The following STPG1 variants were observed in gnomAD, a reference collection of about 807,000 sequenced individuals.
STPG1 encodes the protein O(6)-methylguanine-induced apoptosis 2.
A neutral mutation model predicts 40.1 loss-of-function variants in STPG1; 33 were observed. The observed-to-expected ratio is 0.82, with a 90% confidence interval of 0.62 to 1.10. STPG1 has a LOEUF of 1.10. Among genes scored for constraint, STPG1 ranks in the 50% least tolerant of loss-of-function variants. The pLI, the probability that STPG1 is intolerant of heterozygous loss-of-function variation, is 0.00. For synonymous variants in STPG1, 150 were observed against 155.0 expected, an observed-to-expected ratio of 0.97 and a Z score of 0.24; for missense variants, 396 against 415.1, an observed-to-expected ratio of 0.95 and a Z score of 0.40.
intron 2 of STPG1, among the ~76,000 whole-genome samples, chr1:24,395,028 A>G (rs1642935732): frequency 6.6e-6 from 1 of 152,174 alleles, no homozygotes. Flanking sequence ...TAGGCCAACC[A>G]TAATCAAATT....
chr1:24,388,128 C>T (rs1420798141), intron 3 of STPG1, among the ~76,000 whole-genome samples: 1 of 152,106 alleles, frequency 6.6e-6, no homozygotes, highest in Non-Finnish European at 1.5e-5. Flanking sequence ...AGGTGTAGAA[C>T]CATGAAATAC....
intron 1 of STPG1, 79 bp from the exon 2 acceptor site, chr1:24,401,535 A>T (rs534970374): frequency 1.1e-4 from 78 of 691,962 alleles, no homozygotes; most frequent in Admixed American, 7.8e-4. Context: ...TTCTATCTAC[A>T]GGGTAAACTG....
At chr1:24,395,909 G>C (rs981735658) in intron 2 of STPG1, among the ~76,000 whole-genome samples, 1 of 151,792 alleles carries the variant, frequency 6.6e-6, no homozygotes, top group Non-Finnish European at 1.5e-5. Context: ...CTTGAACCCA[G>C]GAGGTGTAGG....
At chr1:24,388,016 T>C (rs1019859025) in intron 3 of STPG1, among the ~76,000 whole-genome samples, 1 of 152,238 alleles carries the variant, frequency 6.6e-6, no homozygotes, top group Non-Finnish European at 1.5e-5. Context: ...AGGGTAGATT[T>C]ACTATGTAAT....
intron 4 of STPG1, among the ~76,000 whole-genome samples, chr1:24,380,463 A>G (rs1409166752): frequency 6.6e-6 from 1 of 152,232 alleles, no homozygotes; most frequent in Non-Finnish European, 1.5e-5. Context: ...AGTCACAGAA[A>G]CTCAGTGATA....
chr1:24,376,926 G>A (rs763197216), intron 5 of STPG1, among the ~76,000 whole-genome samples: 1 of 152,070 alleles, frequency 6.6e-6, no homozygotes, highest in Non-Finnish European at 1.5e-5. Flanking sequence ...CCACACTGCA[G>A]TCCATTCACC....
At chr1:24,366,110 A>T (rs1641442954) in intron 7 of STPG1, among the ~76,000 whole-genome samples, 1 of 152,208 alleles carries the variant, frequency 6.6e-6, no homozygotes, top group Admixed American at 6.5e-5. Flanking sequence ...CCAGAAAAGC[A>T]TTTCTGTAGC....
chr1:24,376,451 A>G (rs1642031104), intron 5 of STPG1, among the ~76,000 whole-genome samples: 2 of 152,242 alleles, frequency 1.3e-5, no homozygotes, highest in African/African-American at 4.8e-5. Flanking sequence ...TCAGGGTCAT[A>G]TTAAGACAAT....
intron 1 of STPG1, among the ~76,000 whole-genome samples, chr1:24,406,307 A>G (rs1243543963): frequency 6.6e-6 from 1 of 152,180 alleles, no homozygotes; most frequent in Non-Finnish European, 1.5e-5. Flanking sequence ...GAATTTTACA[A>G]AAATACACTT....
intron 1 of STPG1, among the ~76,000 whole-genome samples, chr1:24,406,662 T>C (rs1284843811): frequency 3.3e-5 from 5 of 152,154 alleles, no homozygotes; most frequent in Non-Finnish European, 1.5e-5. Flanking sequence ...ATAGGTTTTT[T>C]TCTCTTCCTA....
intron 7 of STPG1, among the ~76,000 whole-genome samples, chr1:24,365,965 C>G (rs922581115): frequency 6.6e-6 from 1 of 152,146 alleles, no homozygotes; most frequent in Non-Finnish European, 1.5e-5. Context: ...TAATGGTGGC[C>G]TCCTGAGCTT....
chr1:24,392,363 T>C (rs571238072), intron 2 of STPG1, among the ~76,000 whole-genome samples: 1 of 152,300 alleles, frequency 6.6e-6, no homozygotes, highest in South Asian at 2.1e-4. Context: ...GCAGGTTGAT[T>C]ATAGACTCTA....
At chr1:24,378,142 A>C (rs1642115163) in intron 5 of STPG1, among the ~76,000 whole-genome samples, 1 of 152,186 alleles carries the variant, frequency 6.6e-6, no homozygotes, top group South Asian at 2.1e-4. Flanking sequence ...GCTGGCCCAA[A>C]TTAAAATGTG....
At chr1:24,413,384 G>C (rs1250246472) in intron 1 of STPG1, among the ~76,000 whole-genome samples, 1 of 152,262 alleles carries the variant, frequency 6.6e-6, no homozygotes, top group Non-Finnish European at 1.5e-5. Context: ...CGCGGAGCCT[G>C]AGCCAGAAGG....
At chr1:24,391,506 C>G in intron 3 of STPG1, 55 bp downstream of exon 3, 1 of 1,159,868 alleles carries the variant, frequency 8.6e-7, no homozygotes, top group Non-Finnish European at 1.3e-6. Context: ...CGTGCCTGTC[C>G]CGCAAGGCTA....
chr1:24,387,401 C>A (rs1361593979), intron 3 of STPG1, among the ~76,000 whole-genome samples: 3 of 152,092 alleles, frequency 2.0e-5, no homozygotes, highest in African/African-American at 7.2e-5. Context: ...ATGACCACTG[C>A]CCAAGGAGCT....
intron 1 of STPG1, among the ~76,000 whole-genome samples, chr1:24,403,795 A>C (rs969446438): frequency 6.6e-6 from 1 of 152,072 alleles, no homozygotes; most frequent in Non-Finnish European, 1.5e-5. Context: ...ATATATATTA[A>C]TGCTGTATCC....
chr1:24,374,140 C>T (rs1641890098), intron 5 of STPG1, among the ~76,000 whole-genome samples: 1 of 151,896 alleles, frequency 6.6e-6, no homozygotes, highest in African/African-American at 2.4e-5. Context: ...CTCTCTGAAA[C>T]CCAGTTTTCT....
chr1:24,379,816 C>A lies in STPG1; in HGVS notation c.299G>T (p.Arg100Leu). Residue 100 changes from arginine (R) to leucine (L), a missense_variant, in exon 5 of 9, where the codon CGA (arginine) becomes CTA (leucine). Coordinates refer to ENST00000337248, the MANE Select transcript of STPG1 (RefSeq NM_001199013.2). ...GTATTTAGAAATGATGGTGTCCAAT[C>A]GGGCGCACTGTAAGGAGACAACCAA... is the stretch of plus-strand genomic sequence containing the variant. ...GTCMFPSMCA[R>L]LDTIISKYPA... 6.2e-7 allele frequency: 1 copy of A among 1,613,824 alleles called. No individual in the cohort carries two copies. The highest frequency in any genetic ancestry group is 8.5e-7 in the Non-Finnish European group (1 of 1,179,738).
Sources: gnomAD v4.1 joint callset for allele counts (sites outside exome capture counted in the v4.1 genomes callset) on GRCh38, gnomAD v4.1.1 for gene constraint, MANE v1.5 for transcripts, NCBI Gene and HGNC (gene_info 2026-07-23, HGNC 2026-07-21) for gene names.